Variants in DCK observed in about 807,000 individuals in gnomAD.
DCK encodes deoxyadenosine kinase.
Under a neutral mutation model 38.3 loss-of-function variants are expected in DCK, and 23 were observed. The ratio of observed to expected loss-of-function variants is 0.60; its 90% confidence interval spans 0.43 to 0.85. DCK has a LOEUF of 0.85. Among genes scored for constraint, DCK ranks in the 40% least tolerant of loss-of-function variants. The pLI is 0.00. For synonymous variants in DCK, 108 were observed against 100.6 expected (o/e 1.07, Z -0.44); for missense variants, 259 against 304.4 (o/e 0.85, Z 1.11).
intron 2 of DCK, among the ~76,000 whole-genome samples, chr4:71,003,499 G>T (rs1739862979): frequency 6.6e-6 from 1 of 152,136 alleles, no homozygotes; most frequent in Admixed American, 6.5e-5. Context: ...TTGAATGTTG[G>T]CCTGTCTTGC....
At chr4:71,026,628 A>G in intron 5 of DCK, 37 bp from the exon 6 acceptor site, 1 of 992,458 alleles carries the variant, frequency 1.0e-6, no homozygotes, top group South Asian at 1.4e-5. Context: ...TTTTTGTTGA[A>G]TTTCTGATTA....
At chr4:71,020,960 TTG>T (rs1234873138) in intron 2 of DCK, among the ~76,000 whole-genome samples, 1 of 152,188 alleles carries the variant, frequency 6.6e-6, no homozygotes, top group African/African-American at 2.4e-5. Flanking sequence ...GGTGATATTT[TTG>T]TATATTCCTA....
intron 2 of DCK, among the ~76,000 whole-genome samples, chr4:71,021,136 C>T (rs139950541): frequency 0.047 from 6,914 of 145,716 alleles, 215 homozygotes; most frequent in Non-Finnish European, 0.073. Flanking sequence ...ACTGCAGTGG[C>T]GCAATCTCGG....
intron 2 of DCK, among the ~76,000 whole-genome samples, chr4:71,019,932 G>T (rs571988514): frequency 6.6e-6 from 1 of 152,156 alleles, no homozygotes; most frequent in African/African-American, 2.4e-5. Context: ...GATTACAGGC[G>T]CGTGCCACCA....
chr4:71,004,716 G>C (rs997641143), intron 2 of DCK, among the ~76,000 whole-genome samples: 1 of 152,220 alleles, frequency 6.6e-6, no homozygotes, highest in Non-Finnish European at 1.5e-5. Flanking sequence ...GCTGTGGTGG[G>C]CTCTGCCCAG....
At chr4:71,026,785 T>C in intron 6 of DCK, 30 bp downstream of exon 6, 1 of 1,152,996 alleles carries the variant, frequency 8.7e-7, no homozygotes, top group South Asian at 1.3e-5. Flanking sequence ...AAACAAATAT[T>C]TGTTTTTTCT....
chr4:71,007,459 G>T (rs1329149241), intron 2 of DCK, among the ~76,000 whole-genome samples: 2 of 152,138 alleles, frequency 1.3e-5, no homozygotes, highest in South Asian at 2.1e-4. Flanking sequence ...TCTTTCCTAC[G>T]TTACTACTCC....
chr4:71,025,912 C>A lies in DCK; in HGVS notation c.646C>A (p.Leu216Ile). 2.5e-6 allele frequency: 4 copies of A among 1,608,692 alleles called. No individual in the cohort carries two copies. The highest frequency in any genetic ancestry group is 2.5e-6 in the Non-Finnish European group (3 of 1,177,510). The change falls in exon 5 of 7, where the codon CTC becomes ATC. Residue 216 changes from leucine to isoleucine, a missense_variant. Transcript: ENST00000286648. ...GCTTCATTATAAACATGAAAGCTGGCTCCTGCATAGGACACTGAAGTAAGA... is the reference window on the plus strand; with the variant it reads ...GCTTCATTATAAACATGAAAGCTGGATCCTGCATAGGACACTGAAGTAAGA... Reference protein sequence around the residue: ...EKLHYKHESWLLHRTLKTNFD... With the variant: ...EKLHYKHESWILHRTLKTNFD...
intron 2 of DCK, among the ~76,000 whole-genome samples, chr4:71,006,150 A>G: frequency 9.3e-6 from 1 of 108,016 alleles, no homozygotes; most frequent in Middle Eastern, 4.8e-3. Context: ...AAAAAAAAAA[A>G]AGCAAATAAG....
chr4:71,022,314 G>T, intron 2 of DCK, 53 bp from the exon 3 acceptor site: 2 of 957,384 alleles, frequency 2.1e-6, no homozygotes, highest in Non-Finnish European at 1.5e-6. Context: ...AATTAAAATA[G>T]CCCTATTGAC....
chr4:71,025,361 T>A (rs1226703002), intron 4 of DCK, among the ~76,000 whole-genome samples: 1 of 152,074 alleles, frequency 6.6e-6, no homozygotes, highest in Non-Finnish European at 1.5e-5. Flanking sequence ...ATTCCAAAGT[T>A]GTTTTGGTTG....
rs887633342 is a variant in DCK at position 70,994,033 on chromosome 4, C to A, written c.91+107C>A. The stretch of plus-strand genomic sequence containing the variant: ...CAGCAACTCGGTGAGGGCTTTCCCT[C>A]CAGCCTGGCGGTGTGGACGCGGCCT... On this transcript the variant is annotated intron_variant, in intron 1 of 6. Transcript: ENST00000286648. The A allele has an allele frequency of 3.6e-6, 3 of 839,038 alleles. No individual in the cohort carries two copies. In the African/African-American group the frequency reaches 5.1e-5, roughly 14 times the overall value. The allele number at this position is 839,038 out of a possible 1,614,324, so 52.0% of individuals were successfully genotyped here. A position where few individuals can be genotyped will look rare whatever the true frequency, so the allele number is the denominator to read the frequency against.
At chr4:71,015,376 C>T (rs1444190918) in intron 2 of DCK, among the ~76,000 whole-genome samples, 6 of 152,208 alleles carry the variant, frequency 3.9e-5, no homozygotes, top group African/African-American at 1.4e-4. Flanking sequence ...TGGTACCATT[C>T]CTTCTGAAAC....
At chr4:70,995,047 T>A (rs963720628) in intron 1 of DCK, among the ~76,000 whole-genome samples, 2 of 152,150 alleles carry the variant, frequency 1.3e-5, no homozygotes, top group Admixed American at 6.5e-5. Context: ...TGTACCTTCT[T>A]GAAAAAGGCC....
At chr4:71,010,597 TA>T (rs1457480366) in intron 2 of DCK, among the ~76,000 whole-genome samples, 4 of 147,788 alleles carry the variant, frequency 2.7e-5, no homozygotes, top group Admixed American at 2.0e-4. Context: ...AATTTACAGA[TA>T]AAAATTATAT....
At chr4:71,005,118 G>A (rs142621202) in intron 2 of DCK, among the ~76,000 whole-genome samples, 228 of 152,318 alleles carry the variant, frequency 1.5e-3, no homozygotes, top group African/African-American at 5.3e-3. Context: ...GTAGGCACCC[G>A]AGGGAATCTC....
intron 2 of DCK, among the ~76,000 whole-genome samples, chr4:71,021,736 AAAG>A (rs1257356823): frequency 6.6e-6 from 1 of 152,114 alleles, no homozygotes; most frequent in Non-Finnish European, 1.5e-5. Context: ...TCATTTTTAA[AAAG>A]AAGACGTAAT....
rs745683761 is a variant in DCK at position 71,023,657 on chromosome 4, G to A, written c.500G>A (p.Gly167Asp). 6.2e-7 allele frequency: 1 copy of A among 1,613,442 alleles called. No individual in the cohort carries two copies. The highest frequency in any genetic ancestry group is 1.1e-5 in the South Asian group (1 of 90,990). ...DWHDWMNNQF[G>D]QSLELDGIIY... ...CATGACTGGATGAATAACCAATTTG[G>A]CCAAAGCCTTGAATTGGATGGAATC... Residue 167 changes from glycine to aspartate, a missense_variant, in exon 4 of 7, where the codon GGC (glycine) becomes GAC (aspartate). Gly to Asp is a moderately conservative substitution (Grantham distance 94). Coordinates refer to ENST00000286648, the MANE Select transcript of DCK (RefSeq NM_000788.3).
chr4:71,020,849 A>G (rs576130399), intron 2 of DCK, among the ~76,000 whole-genome samples: 1 of 152,226 alleles, frequency 6.6e-6, no homozygotes, highest in East Asian at 1.9e-4. Flanking sequence ...GTTTCCTAAA[A>G]TATACAAGAT....
Sources: gnomAD v4.1 joint callset for allele counts (sites outside exome capture counted in the v4.1 genomes callset) on GRCh38, gnomAD v4.1.1 for gene constraint, MANE v1.5 for transcripts, NCBI Gene and HGNC (gene_info 2026-07-23, HGNC 2026-07-21) for gene names.